The following PALM2AKAP2 variants were observed in gnomAD, a reference collection of about 807,000 sequenced individuals.
The protein encoded by PALM2AKAP2 is PALM2-AKAP2 fusion protein.
A neutral mutation model predicts 71.5 loss-of-function variants in PALM2AKAP2; 37 were observed. The ratio of observed to expected loss-of-function variants is 0.52; its 90% CI spans 0.40 to 0.68. The LOEUF (loss-of-function observed/expected upper bound fraction) is 0.68. Ranked by LOEUF, PALM2AKAP2 falls within the 30% of genes least tolerant of loss-of-function variation. The probability of loss-of-function intolerance (pLI) is 0.00; values close to 1 mark genes in which losing one functional copy is unlikely to be tolerated. For missense variants in PALM2AKAP2, 1,224 were observed against 1,191.8 expected, an observed-to-expected ratio of 1.03 and a Z score of -0.40; for synonymous variants, 468 against 478.8, an observed-to-expected ratio of 0.98 and a Z score of 0.29.
At chr9:109,718,340 A>G (rs905524675) in intron 1 of PALM2AKAP2, among the ~76,000 whole-genome samples, 6 of 152,200 alleles carry the variant, frequency 3.9e-5, no homozygotes, top group Non-Finnish European at 2.9e-5. Context: ...TCGGTCTCCC[A>G]AAGTGCTGGG....
intron 3 of PALM2AKAP2, among the ~76,000 whole-genome samples, chr9:109,910,273 C>G (rs2131889206): frequency 6.6e-6 from 1 of 152,230 alleles, no homozygotes; most frequent in East Asian, 1.9e-4. Context: ...GGAGGAGCAG[C>G]TCTATGGAGA....
intron 5 of PALM2AKAP2, among the ~76,000 whole-genome samples, chr9:109,928,487 T>A (rs1049466482): frequency 6.6e-6 from 1 of 152,166 alleles, no homozygotes; most frequent in Non-Finnish European, 1.5e-5. Context: ...AGCTTATTAA[T>A]TGAGGCCACC....
chr9:109,699,928 G>A (rs775301444), intron 1 of PALM2AKAP2, among the ~76,000 whole-genome samples: 5 of 151,826 alleles, frequency 3.3e-5, no homozygotes, highest in African/African-American at 2.4e-5. Flanking sequence ...GGCATGTGCC[G>A]CCACACCCGG....
At chr9:109,649,764 TG>T (rs1174284612) in intron 1 of PALM2AKAP2, among the ~76,000 whole-genome samples, 1 of 152,312 alleles carries the variant, frequency 6.6e-6, no homozygotes, top group East Asian at 1.9e-4. Context: ...GACAGTGATT[TG>T]GGGGAGACAT....
chr9:110,127,361 T>C (rs1005705583), intron 1 of PALM2AKAP2, among the ~76,000 whole-genome samples: 6 of 152,154 alleles, frequency 3.9e-5, no homozygotes, highest in African/African-American at 1.4e-4. Flanking sequence ...GTCTGGAGTC[T>C]GGCCGGCTGT....
At chr9:110,135,189 A>ATAT (rs1835831604) in intron 1 of PALM2AKAP2, among the ~76,000 whole-genome samples, 1 of 113,334 alleles carries the variant, frequency 8.8e-6, no homozygotes, top group African/African-American at 3.4e-5. Flanking sequence ...ATATATATAT[A>ATAT]AATCAGCCAG....
chr9:110,030,775 T>A (rs183443071), intron 7 of PALM2AKAP2, among the ~76,000 whole-genome samples: 83 of 152,230 alleles, frequency 5.5e-4, no homozygotes, highest in African/African-American at 1.6e-3. Flanking sequence ...TTGGTAAAAA[T>A]CATGACATCA....
intron 1 of PALM2AKAP2, among the ~76,000 whole-genome samples, chr9:110,092,015 G>A (rs1268563452): frequency 1.3e-5 from 2 of 152,174 alleles, no homozygotes; most frequent in Non-Finnish European, 2.9e-5. Context: ...CACTTTTCAT[G>A]TGAAAGGTTG....
At chr9:110,085,081 T>C (rs188988754) in intron 1 of PALM2AKAP2, among the ~76,000 whole-genome samples, 31 of 152,188 alleles carry the variant, frequency 2.0e-4, no homozygotes, top group Admixed American at 1.4e-3. Flanking sequence ...TCCATCGTGG[T>C]TGGTTGAGTC....
At chr9:110,040,879 C>A (rs1833500822) in intron 7 of PALM2AKAP2, among the ~76,000 whole-genome samples, 1 of 152,166 alleles carries the variant, frequency 6.6e-6, no homozygotes, top group Non-Finnish European at 1.5e-5. Flanking sequence ...TGTGTACATT[C>A]CAAGTATATT....
chr9:109,674,898 G>T (rs1016889085), intron 1 of PALM2AKAP2, among the ~76,000 whole-genome samples: 1 of 151,802 alleles, frequency 6.6e-6, no homozygotes, highest in Admixed American at 6.6e-5. Context: ...CTTTATGATG[G>T]TTCAAAAGCA....
rs552595799 is a variant in PALM2AKAP2 at position 109,908,534 on chromosome 9, G to A, written c.258-15201G>A. Reference sequence around the variant, plus strand: ...AACAGTAGTAGATATTTTACCAAGTGCAAAGAATTGAATAATGCTTACAAA... The same window carrying A: ...AACAGTAGTAGATATTTTACCAAGTACAAAGAATTGAATAATGCTTACAAA... On this transcript the variant is annotated intron_variant, in intron 3 of 9. Transcript: ENST00000302798. Among the ~76,000 whole-genome samples the A allele has an allele frequency of 2.0e-5, 3 of 152,312 alleles. No homozygotes were observed. The East Asian group carries it at 5.8e-4, about 29-fold the overall frequency.
intron 1 of PALM2AKAP2, among the ~76,000 whole-genome samples, chr9:110,063,846 C>G (rs1834018090): frequency 6.6e-6 from 1 of 152,132 alleles, no homozygotes; most frequent in Admixed American, 6.5e-5. Context: ...ATCCAAATAC[C>G]ATCACACTCA....
Position 109,854,432 on chromosome 9 carries a change from T to C in PALM2AKAP2, c.46-13059T>C, listed in dbSNP as rs377395393. On this transcript the variant is annotated intron_variant, in intron 1 of 9. Coordinates refer to the PALM2AKAP2 transcript ENST00000302798. Reference sequence around the variant, plus strand: ...ACTGTCACTGGTGATGGTTATTCTCTCAGAAGATGCTGAGGATCAGGGTGT... The same window carrying C: ...ACTGTCACTGGTGATGGTTATTCTCCCAGAAGATGCTGAGGATCAGGGTGT... 1.4e-4 allele frequency among the ~76,000 whole-genome samples: 21 copies of C among 152,334 alleles called. No homozygotes were observed. In the East Asian group the frequency reaches 4.0e-3, roughly 29 times the overall value.
intron 1 of PALM2AKAP2, among the ~76,000 whole-genome samples, chr9:110,119,976 GC>G (rs1385702910): frequency 3.3e-5 from 5 of 152,136 alleles, no homozygotes; most frequent in Non-Finnish European, 7.3e-5. Context: ...ACAGAGAAGG[GC>G]CCCAGGTCTG....
At chr9:109,773,842 A>ACTC (rs1829310280) in intron 1 of PALM2AKAP2, among the ~76,000 whole-genome samples, 1 of 40,686 alleles carries the variant, frequency 2.5e-5, no homozygotes, top group Non-Finnish European at 3.8e-5. Flanking sequence ...AGTAATGAGC[A>ACTC]ATTTTTGAGA....
chr9:110,039,802 A>G (rs962211620), intron 7 of PALM2AKAP2, among the ~76,000 whole-genome samples: 1 of 152,142 alleles, frequency 6.6e-6, no homozygotes, highest in Admixed American at 6.6e-5. Flanking sequence ...CAGCACTTGG[A>G]CTCATCAACG....
At chr9:109,848,546 A>G (rs547126367) in intron 1 of PALM2AKAP2, among the ~76,000 whole-genome samples, 20 of 152,240 alleles carry the variant, frequency 1.3e-4, no homozygotes, top group African/African-American at 4.6e-4. Flanking sequence ...GGCAGGACTG[A>G]GGGAAGTAGT....
At chr9:109,717,537 AG>A (rs1439373012) in intron 1 of PALM2AKAP2, among the ~76,000 whole-genome samples, 8 of 152,240 alleles carry the variant, frequency 5.3e-5, no homozygotes, top group African/African-American at 1.7e-4. Context: ...TGATTGAAAC[AG>A]GAAAGTACAG....
Sources: allele counts gnomAD v4.1 joint callset (sites outside exome capture counted in the v4.1 genomes callset), GRCh38; gene constraint gnomAD v4.1.1; transcripts MANE v1.5; gene names NCBI Gene and HGNC (gene_info 2026-07-23, HGNC 2026-07-21).